Variants in GIPC2 observed in about 807,000 individuals in gnomAD.
GIPC2 encodes the protein GIPC PDZ domain containing family member 2.
Under a neutral mutation model 30.6 loss-of-function variants are expected in GIPC2, and 30 were observed. The ratio of observed to expected loss-of-function variants is 0.98; its 90% confidence interval spans 0.73 to 1.33. The LOEUF (loss-of-function observed/expected upper bound fraction) is 1.33, where lower values mean the gene tolerates loss of function less well. Ranked by LOEUF, GIPC2 falls within the 40% of genes most tolerant of loss-of-function variation. The pLI, the probability that GIPC2 is intolerant of heterozygous loss-of-function variation, is 0.00. For missense variants in GIPC2, 414 were observed against 390.3 expected (o/e 1.06, Z -0.51); for synonymous variants, 167 against 150.0 (o/e 1.11, Z -0.83).
chr1:78,133,092 G>A (rs1662930328), intron 5 of GIPC2, among the ~76,000 whole-genome samples: 1 of 152,104 alleles, frequency 6.6e-6, no homozygotes, highest in South Asian at 2.1e-4. Context: ...CATGCTAACT[G>A]TGCCTGTGCA....
chr1:78,049,064 T>A (rs1661148376), intron 1 of GIPC2, among the ~76,000 whole-genome samples: 1 of 152,220 alleles, frequency 6.6e-6, no homozygotes, highest in South Asian at 2.1e-4. Flanking sequence ...CAGAAGTAAC[T>A]CACTAAAATG....
chr1:78,118,993 T>C (rs1394155517), intron 3 of GIPC2, among the ~76,000 whole-genome samples: 1 of 152,120 alleles, frequency 6.6e-6, no homozygotes. Flanking sequence ...TTTTTTTGTT[T>C]CTTCTTTTTC....
In GIPC2 at chr1:78,046,355, G is replaced by A. The variant is rs748261687; in HGVS notation, c.240+21G>A. 50 of 1,583,054 alleles carry A rather than the reference G, an allele frequency of 3.2e-5. No individual in the cohort carries two copies. The South Asian group carries it at 3.6e-4, about 11-fold the overall frequency. On this transcript the variant is annotated intron_variant, in intron 1 of 5. Coordinates refer to ENST00000370759, the MANE Select transcript of GIPC2 (RefSeq NM_017655.6). ...CGGAGGTAAGGCGCCAGGTGCTCAG[G>A]CTCTCCCGCCTCTCCGCCGCGCCGC...
intron 3 of GIPC2, among the ~76,000 whole-genome samples, chr1:78,113,654 G>T (rs1055043778): frequency 6.6e-6 from 1 of 152,154 alleles, no homozygotes; most frequent in Non-Finnish European, 1.5e-5. Context: ...CTCTCAAAAC[G>T]CTGGGATTAG....
intron 1 of GIPC2, among the ~76,000 whole-genome samples, chr1:78,064,639 C>T (rs546928045): frequency 6.6e-6 from 1 of 151,324 alleles, no homozygotes; most frequent in African/African-American, 2.4e-5. Context: ...TGGTTTTGTA[C>T]TTTTAGTTTT....
chr1:78,050,989 A>G (rs150052738), intron 1 of GIPC2, among the ~76,000 whole-genome samples: 1 of 152,314 alleles, frequency 6.6e-6, no homozygotes, highest in East Asian at 1.9e-4. Context: ...AGCTATGGTC[A>G]TACATTTTGT....
At chr1:78,100,393 T>C (rs1662219549) in intron 3 of GIPC2, among the ~76,000 whole-genome samples, 1 of 152,188 alleles carries the variant, frequency 6.6e-6, no homozygotes. Context: ...TTGTTAAATG[T>C]ACCTGCACAC....
chr1:78,056,026 A>AT (rs1366847540), intron 1 of GIPC2, among the ~76,000 whole-genome samples: 2 of 152,154 alleles, frequency 1.3e-5, no homozygotes, highest in Non-Finnish European at 2.9e-5. Context: ...CTTGCAGGTC[A>AT]TTACCTGAAG....
At chr1:78,084,866 A>G (rs1256765919) in intron 2 of GIPC2, among the ~76,000 whole-genome samples, 1 of 152,194 alleles carries the variant, frequency 6.6e-6, no homozygotes, top group Non-Finnish European at 1.5e-5. Context: ...CCAGATACAG[A>G]ATCATGTCAT....
At chr1:78,116,608 T>C (rs1346182767) in intron 3 of GIPC2, among the ~76,000 whole-genome samples, 1 of 152,128 alleles carries the variant, frequency 6.6e-6, no homozygotes, top group East Asian at 1.9e-4. Context: ...ATGCAGTGTT[T>C]GGTTTTCTGT....
In GIPC2 at chr1:78,123,251, C is replaced by T. The variant is rs186752888; in HGVS notation, c.715-2630C>T. Among the ~76,000 whole-genome samples, 10 of 127,276 alleles carry T rather than the reference C, an allele frequency of 7.9e-5. No homozygotes were observed. In the East Asian group the frequency reaches 2.2e-3, roughly 27 times the overall value. 83.5% of individuals were successfully genotyped at this position (127,276 alleles called of 152,430 possible). The stretch of plus-strand genomic sequence containing the variant: ...CTCCAGCCTGGGTGACAGAGTGAGA[C>T]TCCATCTCAAAAAAAAAAAAAAAAA... On this transcript the variant is annotated intron_variant, in intron 4 of 5. Coordinates refer to ENST00000370759, the MANE Select transcript of GIPC2 (RefSeq NM_017655.6).
rs72687124 is a variant in GIPC2 at position 78,087,086 on chromosome 1, T to C, written c.426+6226T>C. Among the ~76,000 whole-genome samples the C allele has an allele frequency of 9.3e-3, 1,412 of 152,228 alleles. 17 individuals carry two copies. Among genetic ancestry groups the C allele is most frequent in the Non-Finnish European group, 0.013 (912 of 67,986 alleles). On this transcript the variant is annotated intron_variant, in intron 2 of 5. Transcript: ENST00000370759. ...TAGCTGGTACAGTGCTCAGAGAAATTAGAGAAGAGACAAACACATGGAAAA... is the reference window on the plus strand; with the variant it reads ...TAGCTGGTACAGTGCTCAGAGAAATCAGAGAAGAGACAAACACATGGAAAA...
intron 3 of GIPC2, among the ~76,000 whole-genome samples, chr1:78,113,219 A>T (rs1033091273): frequency 6.7e-6 from 1 of 148,668 alleles, no homozygotes; most frequent in Non-Finnish European, 1.5e-5. Flanking sequence ...CTATTTCATT[A>T]AAAAAAAACA....
chr1:78,093,078 T>C (rs1051566920), intron 2 of GIPC2, among the ~76,000 whole-genome samples: 1 of 152,184 alleles, frequency 6.6e-6, no homozygotes, highest in Non-Finnish European at 1.5e-5. Flanking sequence ...ACTCTGAAAT[T>C]TGTATGGTGT....
At chr1:78,077,179 G>A (rs917512984) in intron 1 of GIPC2, among the ~76,000 whole-genome samples, 4 of 152,120 alleles carry the variant, frequency 2.6e-5, no homozygotes, top group African/African-American at 9.7e-5. Flanking sequence ...TCCAAATTGA[G>A]ACAAGATGTA....
chr1:78,045,919 C>CTGCTCCGGTCCAGGGG, upstream of GIPC2: 1 of 1,342,090 alleles, frequency 7.5e-7, no homozygotes, highest in Non-Finnish European at 9.5e-7. Context: ...GGGCGGGCGG[C>CTGCTCCGGTCCAGGGG]TGCTCCGGTC....
intron 5 of GIPC2, among the ~76,000 whole-genome samples, chr1:78,134,270 A>G (rs1183326422): frequency 3.3e-5 from 5 of 151,032 alleles, no homozygotes; most frequent in African/African-American, 9.8e-5. Context: ...CCCTTTCCCT[A>G]TTTATCCTTT....
chr1:78,129,639 A>G (rs951529133), intron 5 of GIPC2, among the ~76,000 whole-genome samples: 14 of 152,212 alleles, frequency 9.2e-5, no homozygotes, highest in African/African-American at 2.9e-4. Context: ...GTGAACGATG[A>G]CTTTTCTACC....
intron 2 of GIPC2, chr1:78,091,433 G>A (rs1662035913): frequency 3.4e-6 from 2 of 579,838 alleles, no homozygotes; most frequent in African/African-American, 3.7e-5. Flanking sequence ...CAGGGGCGGA[G>A]CCAGGGGCCT....
Sources: allele counts gnomAD v4.1 joint callset (sites outside exome capture counted in the v4.1 genomes callset), GRCh38; gene constraint gnomAD v4.1.1; transcripts MANE v1.5; gene names NCBI Gene and HGNC (gene_info 2026-07-23, HGNC 2026-07-21).